GMFG: variants seen among roughly 807,000 people sequenced by gnomAD.
GMFG encodes the protein glia maturation factor gamma.
Under a neutral mutation model 26.1 loss-of-function variants are expected in GMFG, and 21 were observed. That is an observed-to-expected ratio of 0.80 (90% CI 0.57 to 1.16). The LOEUF (loss-of-function observed/expected upper bound fraction) is 1.16. Among genes scored for constraint, GMFG ranks in the 50% most tolerant of loss-of-function variants. The probability of loss-of-function intolerance (pLI) is 0.00; values close to 1 mark genes in which losing one functional copy is unlikely to be tolerated. For missense variants in GMFG, 161 were observed against 178.3 expected (o/e 0.90, Z 0.55); for synonymous variants, 65 against 60.8 (o/e 1.07, Z -0.32).
chr19:39,334,855 T>C (rs1000754965), intron 3 of GMFG, among the ~76,000 whole-genome samples: 1 of 152,126 alleles, frequency 6.6e-6, no homozygotes. Context: ...TTTTGTTTTT[T>C]GTTTTTGTTT....
chr19:39,334,300 G>A (rs1267974870), intron 3 of GMFG, among the ~76,000 whole-genome samples: 9 of 152,102 alleles, frequency 5.9e-5, no homozygotes, highest in Non-Finnish European at 1.0e-4. Flanking sequence ...ACAGGCGTGA[G>A]CCACGGCACC....
intron 3 of GMFG, 54 bp from the exon 4 acceptor site, chr19:39,333,180 C>G (rs1453498409): frequency 1.8e-6 from 2 of 1,134,844 alleles, no homozygotes; most frequent in Non-Finnish European, 2.6e-6. Context: ...CGCAGTGGCT[C>G]ACACCTGTAA....
At chr19:39,328,581 A>G (rs1426391102) in intron 6 of GMFG, 33 bp from the exon 7 acceptor site, 5 of 1,521,386 alleles carry the variant, frequency 3.3e-6, no homozygotes, top group African/African-American at 2.7e-5. Context: ...ATTATGATCT[A>G]CTCAAACACT....
chr19:39,329,423 C>G, intron 5 of GMFG, 121 bp downstream of exon 5: 1 of 693,232 alleles, frequency 1.4e-6, no homozygotes. Flanking sequence ...CACCCAGTCA[C>G]ACACAGGCTG....
chr19:39,335,730 G>A (rs913234971), intron 1 of GMFG, among the ~76,000 whole-genome samples, 199 bp from the exon 2 acceptor site: 3 of 152,142 alleles, frequency 2.0e-5, no homozygotes, highest in African/African-American at 4.8e-5. Context: ...CGGAGCAGAG[G>A]CTGGGTTCCC....
chr19:39,334,316 G>A (rs561388729), intron 3 of GMFG, among the ~76,000 whole-genome samples: 5 of 151,898 alleles, frequency 3.3e-5, no homozygotes, highest in Admixed American at 6.6e-5. Context: ...GCACCCAGCC[G>A]AGATGGGGTC....
intron 2 of GMFG, 51 bp from the exon 3 acceptor site, chr19:39,335,361 G>A (rs1014732456): frequency 4.4e-6 from 7 of 1,593,764 alleles, no homozygotes; most frequent in Non-Finnish European, 4.3e-6. Flanking sequence ...ATCCATGGGG[G>A]ACACAAGCCC....
At position 39,335,276 on chromosome 19, in the gene GMFG, C is replaced by T. The variant is rs1190631279; in HGVS notation, c.135G>A (p.Leu45=). The T allele has an allele frequency of 3.2e-6, 5 of 1,561,826 alleles. No homozygotes were observed. Among genetic ancestry groups the T allele is most frequent in the Non-Finnish European group, 4.3e-6 (5 of 1,152,844 alleles). Residue 45 remains leucine (L), a synonymous_variant, in exon 3 of 7, where the codon CTG becomes CTA. Coordinates refer to ENST00000597595, the MANE Select transcript of GMFG (RefSeq NM_004877.4). ...KVDKDRQMVV[L]EEEFQNISPE... ...AGCCCATCACCTGAAATTCTTCCTC[C>T]AGCACCACCATCTGCCGGTCTTTGT...
chr19:39,331,073 C>T (rs894247514), intron 4 of GMFG, among the ~76,000 whole-genome samples: 1 of 152,162 alleles, frequency 6.6e-6, no homozygotes, highest in African/African-American at 2.4e-5. Context: ...GTCGTGCTCC[C>T]TCGGGCATGA....
intron 4 of GMFG, among the ~76,000 whole-genome samples, chr19:39,332,630 A>G (rs2075231313): frequency 6.7e-6 from 1 of 149,344 alleles, no homozygotes; most frequent in Admixed American, 6.7e-5. Flanking sequence ...CTAGAGTATG[A>G]ACTCTTGGCC....
chr19:39,329,876 C>T (rs557412830), intron 4 of GMFG, among the ~76,000 whole-genome samples: 1 of 152,046 alleles, frequency 6.6e-6, no homozygotes, highest in Non-Finnish European at 1.5e-5. Context: ...ATCAGGAGTT[C>T]GAGACCAGCC....
chr19:39,328,410 T>C lies in GMFG; in HGVS notation c.*67A>G, dbSNP rs2075211914. ...TTTAAAGTCTTGGTTGTTCAGGTCCTAGGGGTTCCAAGTCCCCAGTCACCT... is the reference window on the plus strand; with the variant it reads ...TTTAAAGTCTTGGTTGTTCAGGTCCCAGGGGTTCCAAGTCCCCAGTCACCT... On this transcript the variant is annotated 3_prime_UTR_variant, in exon 7 of 7. Coordinates refer to ENST00000597595, the MANE Select transcript of GMFG (RefSeq NM_004877.4). 2.0e-6 allele frequency: 2 copies of C among 1,004,222 alleles called. No individual in the cohort carries two copies. The highest frequency in any genetic ancestry group is 3.2e-6 in the Non-Finnish European group (2 of 624,344). The allele number at this position is 1,004,222 out of a possible 1,614,324, so 62.2% of individuals were successfully genotyped here. A position where few individuals can be genotyped will look rare whatever the true frequency, so the allele number is the denominator to read the frequency against.
chr19:39,333,581 C>CAA (rs750367671), intron 3 of GMFG, among the ~76,000 whole-genome samples: 25 of 47,282 alleles, frequency 5.3e-4, no homozygotes, highest in African/African-American at 1.5e-3. Flanking sequence ...AACTCCGTCT[C>CAA]AAAAAAAAAA....
At chr19:39,331,983 T>A (rs1283041085) in intron 4 of GMFG, among the ~76,000 whole-genome samples, 1 of 150,980 alleles carries the variant, frequency 6.6e-6, no homozygotes, top group Non-Finnish European at 1.5e-5. Flanking sequence ...GACATCAGCC[T>A]CCCAAGTAGC....
At chr19:39,333,446 C>G (rs939152345) in intron 3 of GMFG, among the ~76,000 whole-genome samples, 1 of 151,312 alleles carries the variant, frequency 6.6e-6, no homozygotes, top group Admixed American at 6.6e-5. Context: ...ACTCCATTTC[C>G]AACAAAAAAA....
chr19:39,331,442 G>C (rs2075225962), intron 4 of GMFG, among the ~76,000 whole-genome samples: 1 of 152,218 alleles, frequency 6.6e-6, no homozygotes, highest in African/African-American at 2.4e-5. Context: ...TGCCCATGAA[G>C]CTGGTCCTTG....
At chr19:39,335,851 A>G (rs2075247649) in intron 1 of GMFG, 123 bp downstream of exon 1, 1 of 746,842 alleles carries the variant, frequency 1.3e-6, no homozygotes, top group Non-Finnish European at 2.4e-6. Flanking sequence ...GCTGTTCACC[A>G]CAGTTGGGCC....
chr19:39,328,412 G>A lies in GMFG; in HGVS notation c.*65C>T. ...TAAAGTCTTGGTTGTTCAGGTCCTA[G>A]GGGTTCCAAGTCCCCAGTCACCTTG... On this transcript the variant is annotated 3_prime_UTR_variant, in exon 7 of 7. Transcript: ENST00000597595. 9.9e-7 allele frequency: 1 copy of A among 1,012,876 alleles called. No individual in the cohort carries two copies. The highest frequency in any genetic ancestry group is 1.6e-6 in the Non-Finnish European group (1 of 632,182). The allele number at this position is 1,012,876 out of a possible 1,614,324, so 62.7% of individuals were successfully genotyped here.
At position 39,329,078 on chromosome 19, in the gene GMFG, G is replaced by A. The variant is rs80151838; in HGVS notation, c.284-5C>T. 882 of 1,608,960 alleles carry A rather than the reference G, an allele frequency of 5.5e-4. 5 individuals are homozygous for A. The African/African-American group carries it at 9.6e-3, about 17-fold the overall frequency. ...TCTGTTGTTCCGGCTTGCAGCCTGC[G>A]TGGAAAAGAGGAGAAAGGCACATCA... On this transcript the variant is annotated splice_polypyrimidine_tract_variant and splice_region_variant and intron_variant, in intron 5 of 6. Coordinates refer to ENST00000597595, the MANE Select transcript of GMFG (RefSeq NM_004877.4).
Sources: gnomAD v4.1 joint callset for allele counts (sites outside exome capture counted in the v4.1 genomes callset) on GRCh38, gnomAD v4.1.1 for gene constraint, MANE v1.5 for transcripts, NCBI Gene and HGNC (gene_info 2026-07-23, HGNC 2026-07-21) for gene names.